RNF149: variants seen among roughly 807,000 people sequenced by gnomAD.
The protein encoded by RNF149 is ring finger protein 149.
A neutral mutation model predicts 39.0 loss-of-function variants in RNF149; 21 were observed. That is an observed-to-expected ratio of 0.54 (90% CI 0.38 to 0.77). The LOEUF is 0.77. RNF149 is among the 30% of genes least tolerant of loss of function. The probability of loss-of-function intolerance (pLI) is 0.00; values close to 1 mark genes in which losing one functional copy is unlikely to be tolerated. For missense variants in RNF149, 493 were observed against 534.9 expected (o/e 0.92, Z 0.77); for synonymous variants, 209 against 213.6 (o/e 0.98, Z 0.19).
chr2:101,294,212 T>A, intron 2 of RNF149, 130 bp from the exon 3 acceptor site: 1 of 579,870 alleles, frequency 1.7e-6, no homozygotes, highest in Non-Finnish European at 3.1e-6. Flanking sequence ...GTCAAATGAC[T>A]ATACTGAAAA....
intron 3 of RNF149, among the ~76,000 whole-genome samples, chr2:101,290,553 G>C (rs1466209906): frequency 2.6e-5 from 4 of 152,024 alleles, no homozygotes; most frequent in Admixed American, 1.3e-4. Flanking sequence ...ATAATAAAAA[G>C]AGAATAAATA....
At chr2:101,307,956 C>T (rs773740257) in intron 1 of RNF149, 173 bp downstream of exon 1, 40 of 985,368 alleles carry the variant, frequency 4.1e-5, no homozygotes, top group Non-Finnish European at 4.8e-5. Flanking sequence ...CTCCCAACAG[C>T]GATCGGGGAG....
intron 1 of RNF149, among the ~76,000 whole-genome samples, chr2:101,304,835 ATTTTTTT>A (rs11340908): frequency 1.4e-4 from 13 of 89,752 alleles, no homozygotes; most frequent in Admixed American, 1.1e-3. Flanking sequence ...GACTACTAGT[ATTTTTTT>A]TTTTTTTTTT....
intron 1 of RNF149, among the ~76,000 whole-genome samples, chr2:101,306,223 G>A (rs776346202): frequency 6.6e-6 from 1 of 152,168 alleles, no homozygotes; most frequent in Non-Finnish European, 1.5e-5. Flanking sequence ...GAAAACTGTA[G>A]GCTGATGAAC....
intron 1 of RNF149, among the ~76,000 whole-genome samples, chr2:101,302,309 A>G (rs563825574): frequency 2.0e-5 from 3 of 152,326 alleles, no homozygotes; most frequent in African/African-American, 7.2e-5. Context: ...AAATGGCCCA[A>G]TAAGGAGAAT....
intron 4 of RNF149, among the ~76,000 whole-genome samples, chr2:101,286,989 CT>C (rs1682819004): frequency 6.6e-6 from 1 of 152,190 alleles, no homozygotes; most frequent in African/African-American, 2.4e-5. Flanking sequence ...TGTTTGAAGA[CT>C]TTTTTACAAA....
chr2:101,298,801 T>TG (rs1474529225), intron 1 of RNF149, among the ~76,000 whole-genome samples: 2 of 152,174 alleles, frequency 1.3e-5, no homozygotes, highest in Admixed American at 6.5e-5. Flanking sequence ...CAGGACAGGC[T>TG]GGGGGGTCTT....
chr2:101,276,758 A>T lies in RNF149; in HGVS notation c.*480T>A. 2 of 990,266 alleles carry T rather than the reference A, an allele frequency of 2.0e-6. No homozygotes were observed. Among genetic ancestry groups the T allele is most frequent in the Non-Finnish European group, 2.4e-6 (2 of 832,628 alleles). The allele number at this position is 990,266 out of a possible 1,614,324, so 61.3% of individuals were successfully genotyped here. A position where few individuals can be genotyped will look rare whatever the true frequency, so the allele number is the denominator to read the frequency against. On this transcript the variant is annotated 3_prime_UTR_variant, in exon 7 of 7. Transcript: ENST00000295317. ...AAAGCTACAGACATCTCAGTTTACA[A>T]GTTTCAAGTTCTTAAAAAAAAAACA... is the stretch of plus-strand genomic sequence containing the variant.
rs1367098487 is a variant in RNF149 at position 101,308,227 on chromosome 2, T to C, written c.362A>G (p.Lys121Arg). The C allele has an allele frequency of 6.2e-7, 1 of 1,605,082 alleles. No individual in the cohort carries two copies. Among genetic ancestry groups the C allele is most frequent in the South Asian group, 1.1e-5 (1 of 90,176 alleles). The change falls in exon 1 of 7, where the codon AAG becomes AGG. Residue 121 changes from lysine to arginine, a missense_variant. Transcript: ENST00000295317. ...CCGCGCCGCCACCAGCACCTTGTCCTTGAAGGTGCAGCCCCCACGAGCCAC... is the reference window on the plus strand; with the variant it reads ...CCGCGCCGCCACCAGCACCTTGTCCCTGAAGGTGCAGCCCCCACGAGCCAC... ...ALVARGGCTF[K>R]DKVLVAARRN...
At chr2:101,281,791 T>G in intron 6 of RNF149, 68 bp downstream of exon 6, 9 of 1,577,220 alleles carry the variant, frequency 5.7e-6, no homozygotes, top group Non-Finnish European at 7.8e-6. Context: ...CCCAAAGCAC[T>G]GAGATTACAG....
intron 1 of RNF149, among the ~76,000 whole-genome samples, chr2:101,299,233 T>C (rs1382530673): frequency 6.6e-6 from 1 of 152,176 alleles, no homozygotes; most frequent in African/African-American, 2.4e-5. Context: ...ACTCTAACAC[T>C]ATTTTATTGT....
intron 3 of RNF149, 24 bp from the exon 4 acceptor site, chr2:101,289,079 T>A: frequency 7.3e-7 from 1 of 1,373,920 alleles, no homozygotes; most frequent in Non-Finnish European, 1.0e-6. Context: ...AGGAAAGTGT[T>A]ACTACATTCT....
chr2:101,273,468 ATTTG>A (rs1218274738), downstream of RNF149: 15 of 363,016 alleles, frequency 4.1e-5, no homozygotes, highest in South Asian at 1.1e-4. Flanking sequence ...CTCTTGTAAT[ATTTG>A]TTTCTTTTTT....
In RNF149 at chr2:101,308,298, G is replaced by T; in HGVS notation, c.291C>A (p.Phe97Leu). The change falls in exon 1 of 7, where the codon TTC becomes TTA. Residue 97 changes from phenylalanine (F) to leucine (L), a missense_variant. Physicochemically the swap from Phe to Leu is conservative, Grantham distance 22. Coordinates refer to ENST00000295317, the MANE Select transcript of RNF149 (RefSeq NM_173647.4). Reference protein sequence around the residue: ...LEGCAPDTRFFVPEPGGRGAA... With the variant: ...LEGCAPDTRFLVPEPGGRGAA... ...CCCCTCGGCCGCCGGGCTCGGGCAC[G>T]AAGAAGCGCGTGTCGGGCGCGCAGC... 1 of 1,581,294 alleles carries T rather than the reference G, an allele frequency of 6.3e-7. No homozygotes were observed. The highest frequency in any genetic ancestry group is 8.6e-7 in the Non-Finnish European group (1 of 1,166,766).
At chr2:101,288,818 G>T (rs1382996908) in intron 4 of RNF149, 155 bp downstream of exon 4, 2 of 577,304 alleles carry the variant, frequency 3.5e-6, no homozygotes, top group Non-Finnish European at 6.2e-6. Context: ...GGGCAGGGAA[G>T]ATATTATATT....
intron 6 of RNF149, 113 bp downstream of exon 6, chr2:101,281,746 T>C: frequency 3.1e-6 from 4 of 1,307,902 alleles, no homozygotes; most frequent in Non-Finnish European, 4.3e-6. Context: ...TACTCTTCGA[T>C]AGCTCAAACT....
rs545395765 is a variant in RNF149, at chr2:101,286,919, T to C, written c.864-742A>G. ...ACCAGGGTTAGAGGGGCACATGCAA[T>C]GTGCATACAACTGTGCCAGGCACAG... is the stretch of plus-strand genomic sequence containing the variant. On this transcript the variant is annotated intron_variant, in intron 4 of 6. Coordinates refer to ENST00000295317, the MANE Select transcript of RNF149 (RefSeq NM_173647.4). Among the ~76,000 whole-genome samples the C allele has an allele frequency of 2.6e-5, 4 of 152,364 alleles. No homozygotes were observed. In the East Asian group the frequency reaches 7.7e-4, roughly 29 times the overall value.
At chr2:101,305,924 G>GT (rs1683641068) in intron 1 of RNF149, among the ~76,000 whole-genome samples, 1 of 152,216 alleles carries the variant, frequency 6.6e-6, no homozygotes, top group African/African-American at 2.4e-5. Flanking sequence ...TGTGTGGGCT[G>GT]TGTCTGCAGA....
chr2:101,300,522 C>T (rs1305405934), intron 1 of RNF149, among the ~76,000 whole-genome samples: 2 of 152,046 alleles, frequency 1.3e-5, no homozygotes, highest in African/African-American at 2.4e-5. Flanking sequence ...TTAAAAACTT[C>T]CTAGCATTAG....
Sources: allele counts gnomAD v4.1 joint callset (sites outside exome capture counted in the v4.1 genomes callset), GRCh38; gene constraint gnomAD v4.1.1; transcripts MANE v1.5; gene names NCBI Gene and HGNC (gene_info 2026-07-23, HGNC 2026-07-21).